PCNX3: variants seen among roughly 807,000 people sequenced by gnomAD.
The protein encoded by PCNX3 is pecanex 3.
A neutral mutation model predicts 207.2 loss-of-function variants in PCNX3; 58 were observed. That is an observed-to-expected ratio of 0.28 (90% confidence interval 0.23 to 0.35). The LOEUF is 0.35. PCNX3 is among the 10% of genes least tolerant of loss of function. The probability of loss-of-function intolerance (pLI) is 1.00; values close to 1 mark genes in which losing one functional copy is unlikely to be tolerated. For missense variants in PCNX3, 2,410 were observed against 2,774.4 expected, an observed-to-expected ratio of 0.87 and a Z score of 2.95; for synonymous variants, 1,337 against 1,183.5, an observed-to-expected ratio of 1.13 and a Z score of -2.66.
rs1486293643 is a variant in PCNX3 at position 65,617,019 on chromosome 11, G to A, written c.341+8G>A. On this transcript the variant is annotated splice_region_variant and intron_variant, in intron 2 of 34. Transcript: ENST00000355703. ...GGACAGCAATCCACCCAGGTGGGTG[G>A]GGTAGGGGCTGTGCTGGGGATTGAG... 7 of 1,601,124 alleles carry A rather than the reference G, an allele frequency of 4.4e-6. No homozygotes were observed. Among genetic ancestry groups the A allele is most frequent in the Non-Finnish European group, 6.0e-6 (7 of 1,174,210 alleles).
rs1252591701 is a variant in PCNX3 at position 65,634,216 on chromosome 11, C to T, written c.4561C>T (p.Pro1521Ser). ...ITAALRPVRV[P>S]GYADSDPTFS... ...GGCAGCCCTGAGGCCTGTGCGGGTG[C>T]CCGGCTATGCCGACTCGGATCCCAC... Residue 1521 changes from proline (P) to serine (S), a missense_variant, in exon 28 of 35, where the codon CCC becomes TCC. By Grantham distance (74) the Pro-to-Ser change is moderately conservative (BLOSUM62 -1). Coordinates refer to ENST00000355703, the MANE Select transcript of PCNX3 (RefSeq NM_032223.4). The T allele has an allele frequency of 1.2e-6, 2 of 1,613,284 alleles. No homozygotes were observed. The highest frequency in any genetic ancestry group is 1.1e-5 in the South Asian group (1 of 91,028).
At position 65,635,474 on chromosome 11, in the gene PCNX3, G is replaced by A; in HGVS notation, c.5184+26G>A. On this transcript the variant is annotated intron_variant, in intron 31 of 34. Transcript: ENST00000355703. This position sits in a 1 kb window ranked among gnomAD's most constrained non-coding sequence, Gnocchi z 9.9. ...GTTGGGCCGGCCCCACCTGCCCTAA[G>A]CCCTGCCCCAAACCCCCTTGGGCCG... is the stretch of plus-strand genomic sequence containing the variant. The A allele has an allele frequency of 6.2e-7, 1 of 1,607,418 alleles. No individual in the cohort carries two copies. Among genetic ancestry groups the A allele is most frequent in the Non-Finnish European group, 8.5e-7 (1 of 1,178,136 alleles).
intron 9 of PCNX3, 98 bp from the exon 10 acceptor site, chr11:65,620,733 A>T: frequency 6.7e-7 from 1 of 1,497,416 alleles, no homozygotes; most frequent in Non-Finnish European, 9.0e-7. Flanking sequence ...TGGTCTCGGC[A>T]CAGACAGCCC....
At position 65,628,607 on chromosome 11, in the gene PCNX3, C is replaced by A. The variant is rs867954043; in HGVS notation, c.3715C>A (p.Leu1239Met). ...TTGGCCCTGCCAGCTGTGGGACTTG[C>A]TGTACAAGCTGCGTTTCGTGCTGAC... Reference protein sequence around the residue: ...SLLCSKLWDLLYKLRFVLTYI... With the variant: ...SLLCSKLWDLMYKLRFVLTYI... The change falls in exon 23 of 35, where the codon CTG (leucine) becomes ATG (methionine). Residue 1239 changes from leucine to methionine, a missense_variant. Coordinates refer to ENST00000355703, the MANE Select transcript of PCNX3 (RefSeq NM_032223.4). The A allele has an allele frequency of 5.6e-6, 9 of 1,613,402 alleles. No individual in the cohort carries two copies. In the Middle Eastern group the frequency reaches 1.5e-3, roughly 266 times the overall value.
chr11:65,621,455 C>G (rs768224028), intron 10 of PCNX3, among the ~76,000 whole-genome samples: 1 of 152,202 alleles, frequency 6.6e-6, no homozygotes, highest in South Asian at 2.1e-4. Context: ...CTATTAACAC[C>G]AGAAGCGCTA....
intron 10 of PCNX3, among the ~76,000 whole-genome samples, chr11:65,621,572 A>T (rs964879719): frequency 6.6e-6 from 1 of 152,164 alleles, no homozygotes; most frequent in Admixed American, 6.5e-5. Flanking sequence ...AGAAGCTCCC[A>T]CCTGCCCGCT....
At chr11:65,620,300 T>A in intron 8 of PCNX3, 39 bp from the exon 9 acceptor site, 1 of 1,584,138 alleles carries the variant, frequency 6.3e-7, no homozygotes, top group Non-Finnish European at 8.6e-7. Context: ...GGTGCTTCTG[T>A]CTCTGCCACG....
In PCNX3 at chr11:65,636,808, C is replaced by T; in HGVS notation, c.5935C>T (p.Pro1979Ser). The change falls in exon 35 of 35, where the codon CCC becomes TCC. Residue 1979 changes from proline (P) to serine (S), a missense_variant. Physicochemically the swap from Pro to Ser is moderately conservative, Grantham distance 74. Transcript: ENST00000355703. The stretch of plus-strand genomic sequence containing the variant: ...CCTCAGCCTCAGCCTCAGCCTCAGC[C>T]CCGATGTCAGCACTGAGGCCTCACC... ...LSLSLSLSLSPDVSTEASPPR... is the reference protein window; with the variant it reads ...LSLSLSLSLSSDVSTEASPPR... 1 of 1,550,064 alleles carries T rather than the reference C, an allele frequency of 6.5e-7. No individual in the cohort carries two copies. Among genetic ancestry groups the T allele is most frequent in the Non-Finnish European group, 8.7e-7 (1 of 1,146,908 alleles).
rs1313584719 is a variant in PCNX3 at position 65,620,866 on chromosome 11, C to T, written c.2135C>T (p.Ala712Val). Residue 712 changes from alanine (A) to valine (V), a missense_variant, in exon 10 of 35, where the codon GCT becomes GTT. Physicochemically the swap from Ala to Val is moderately conservative, Grantham distance 64 (BLOSUM62 0). This residue lies in a region of PCNX3 where 1,104 missense variants were observed against 970.3 expected (regional missense o/e 1.14). Transcript: ENST00000355703. ...RHSHSSSFHS[A>V]DVPEATGGLN... is the part of the protein sequence containing the mutation. ...TCGCATTCCTCCAGCTTCCACTCGG[C>T]TGATGTCCCTGAGGCTACAGGCGGC... The T allele has an allele frequency of 6.3e-7, 1 of 1,586,860 alleles. No individual in the cohort carries two copies. The highest frequency in any genetic ancestry group is 1.8e-5 in the Admixed American group (1 of 56,972).
At chr11:65,630,016 C>G (rs1196423421) in intron 26 of PCNX3, among the ~76,000 whole-genome samples, 1 of 152,242 alleles carries the variant, frequency 6.6e-6, no homozygotes, top group Admixed American at 6.5e-5. Context: ...GTTCTCACAC[C>G]CAGCCTGCTC....
At chr11:65,633,700 G>T (rs1855709935) in intron 27 of PCNX3, among the ~76,000 whole-genome samples, 2 of 152,218 alleles carry the variant, frequency 1.3e-5, no homozygotes, top group Admixed American at 1.3e-4. Flanking sequence ...AGGCGGGTGG[G>T]GGACAGGGTT....
In PCNX3 at chr11:65,635,154, G is replaced by A; in HGVS notation, c.4953+34G>A. 6.2e-7 allele frequency: 1 copy of A among 1,608,034 alleles called. No individual in the cohort carries two copies. The highest frequency in any genetic ancestry group is 2.2e-5 in the East Asian group (1 of 44,706). ...GGGGTGTGCCCAGCAGCATGGGCAG[G>A]TGGGGGATGAAGCCTCTCTCCAGGG... On this transcript the variant is annotated intron_variant, in intron 30 of 34. Coordinates refer to ENST00000355703, the MANE Select transcript of PCNX3 (RefSeq NM_032223.4). This position sits in a 1 kb window ranked among gnomAD's most constrained non-coding sequence, Gnocchi z 9.9.
At position 65,623,516 on chromosome 11, in the gene PCNX3, T is replaced by A. The variant is rs1855220617; in HGVS notation, c.2383T>A (p.Phe795Ile). 1 of 1,612,126 alleles carries A rather than the reference T, an allele frequency of 6.2e-7. No individual in the cohort carries two copies. The highest frequency in any genetic ancestry group is 1.3e-5 in the African/African-American group (1 of 74,884). ...GACGCGGGGAGTGCTGGAGAACATCTTCGGCGTGGGCCTGAGCAGCCTTGT... is the reference window on the plus strand; with the variant it reads ...GACGCGGGGAGTGCTGGAGAACATCATCGGCGTGGGCCTGAGCAGCCTTGT... ...DRTRGVLENI[F>I]GVGLSSLVAF... is the part of the protein sequence containing the mutation. The change falls in exon 12 of 35, where the codon TTC becomes ATC. Residue 795 changes from phenylalanine to isoleucine, a missense_variant. Around this residue, in one of 8 missense-constraint regions of PCNX3, gnomAD observed 177 missense variants for 257.5 expected, o/e 0.69. Transcript: ENST00000355703.
rs920358458 is a variant in PCNX3 at position 65,618,379 on chromosome 11, A to G, written c.1017A>G (p.Pro339=). The G allele has an allele frequency of 6.2e-7, 1 of 1,612,344 alleles. No individual in the cohort carries two copies. Among genetic ancestry groups the G allele is most frequent in the Non-Finnish European group, 8.5e-7 (1 of 1,179,726 alleles). The change falls in exon 6 of 35, where the codon CCA becomes CCG. Residue 339 remains proline, a synonymous_variant. Coordinates refer to ENST00000355703, the MANE Select transcript of PCNX3 (RefSeq NM_032223.4). ...GPAPEGSDTD[P]PSEAELPASP... ...CCCCTGAGGGCAGCGACACAGACCC[A>G]CCCTCTGAGGCTGAGCTGCCTGCCT...
At chr11:65,629,875 C>T (rs1590897288) in intron 26 of PCNX3, 140 bp downstream of exon 26, 1 of 908,688 alleles carries the variant, frequency 1.1e-6, no homozygotes, top group East Asian at 2.6e-5. Flanking sequence ...ACTCCTCCTC[C>T]CTGGGCCTGC....
chr11:65,624,174 C>T (rs767108269), intron 13 of PCNX3, 21 bp from the exon 14 acceptor site: 13 of 1,594,626 alleles, frequency 8.2e-6, no homozygotes, highest in South Asian at 1.1e-5. Context: ...AGACCCAGCT[C>T]CTCATGGGCT....
chr11:65,630,720 T>C, intron 27 of PCNX3, 116 bp downstream of exon 27: 2 of 1,409,680 alleles, frequency 1.4e-6, no homozygotes, highest in Admixed American at 4.7e-5. Flanking sequence ...CAAGGGAAGC[T>C]GAGGCCTCAG....
At chr11:65,620,244 G>C (rs1855015867) in intron 8 of PCNX3, 95 bp from the exon 9 acceptor site, 4 of 1,279,038 alleles carry the variant, frequency 3.1e-6, no homozygotes, top group Non-Finnish European at 4.3e-6. Context: ...ACAGCACAAG[G>C]TTCTGCCTCA....
rs1467780174 is a variant in PCNX3, at chr11:65,635,510, C to T, written c.5185-19C>T. On this transcript the variant is annotated intron_variant, in intron 31 of 34. Transcript: ENST00000355703. The surrounding 1 kb of genome is among the most constrained non-coding windows in gnomAD (Gnocchi z 9.9). ...AACCCCCTTGGGCCGGCCCCCTGAC[C>T]CTGGCGTGTGGCTCTCAGGTGAACC... The T allele has an allele frequency of 1.2e-6, 2 of 1,608,412 alleles. No individual in the cohort carries two copies. The highest frequency in any genetic ancestry group is 1.7e-6 in the Non-Finnish European group (2 of 1,178,560).
Sources: allele counts gnomAD v4.1 joint callset (sites outside exome capture counted in the v4.1 genomes callset), GRCh38; gene constraint gnomAD v4.1.1; regional missense constraint gnomAD v4.1.1; non-coding constraint Gnocchi (gnomAD v3.1); transcripts MANE v1.5; gene names NCBI Gene and HGNC (gene_info 2026-07-23, HGNC 2026-07-21).